Variants in RNF111 observed in about 807,000 individuals in gnomAD.
RNF111 encodes E3 ubiquitin-protein ligase Arkadia.
RNF111 carries 17 observed loss-of-function variants against 95.1 expected under a neutral mutation model. The ratio of observed to expected loss-of-function variants is 0.18; its 90% CI spans 0.12 to 0.27. The LOEUF is 0.27. Ranked by LOEUF, RNF111 falls within the 10% of genes least tolerant of loss-of-function variation. The pLI, the probability that RNF111 is intolerant of heterozygous loss-of-function variation, is 1.00. For synonymous variants in RNF111, 440 were observed against 414.8 expected, an observed-to-expected ratio of 1.06 and a Z score of -0.74; for missense variants, 1,189 against 1,210.4, an observed-to-expected ratio of 0.98 and a Z score of 0.26.
intron 1 of RNF111, among the ~76,000 whole-genome samples, chr15:59,005,964 A>G (rs187535290): frequency 4.6e-5 from 7 of 152,352 alleles, no homozygotes; most frequent in Non-Finnish European, 8.8e-5. Flanking sequence ...ATTTAAATCA[A>G]TGCATTTTGA....
chr15:59,091,378 A>G (rs2079047750), intron 12 of RNF111, among the ~76,000 whole-genome samples: 1 of 152,148 alleles, frequency 6.6e-6, no homozygotes, highest in Non-Finnish European at 1.5e-5. Context: ...AAGGATTTAG[A>G]TATTCTTCTA....
At chr15:59,032,699 A>G (rs1291969031) in intron 2 of RNF111, among the ~76,000 whole-genome samples, 1 of 152,080 alleles carries the variant, frequency 6.6e-6, no homozygotes. Flanking sequence ...TTCTTTAAGT[A>G]CTATATTCTT....
rs2079183091 is a variant in RNF111, at chr15:59,096,821, C to T, written c.*1921C>T. The T allele has an allele frequency of 6.6e-6, 1 of 152,208 alleles. No homozygotes were observed. The highest frequency in any genetic ancestry group is 2.4e-5 in the African/African-American group (1 of 41,444). The allele number at this position is 152,208 out of a possible 1,614,324, so 9.4% of individuals were successfully genotyped here. A position where few individuals can be genotyped will look rare whatever the true frequency, so the allele number is the denominator to read the frequency against. ...ACTTTGCCACTGGAATACCCCGGGT[C>T]TGTGCCAAGGGACTGAAGAAGTGTA... is the stretch of plus-strand genomic sequence containing the variant. On this transcript the variant is annotated 3_prime_UTR_variant, in exon 14 of 14. Transcript: ENST00000348370.
In RNF111 at chr15:58,989,199, C is replaced by T. The variant is rs146857690; in HGVS notation, c.-20+1131C>T. On this transcript the variant is annotated intron_variant, in intron 1 of 13. Transcript: ENST00000348370. ...CTATATGTATTTTTGTAAAAATCTTCATGTCAGTATAAGCCACATTGTTTC... is the reference window on the plus strand; with the variant it reads ...CTATATGTATTTTTGTAAAAATCTTTATGTCAGTATAAGCCACATTGTTTC... Among the ~76,000 whole-genome samples, 74 of 152,276 alleles carry T rather than the reference C, an allele frequency of 4.9e-4. 2 individuals are homozygous for T. In the East Asian group the frequency reaches 0.013, roughly 28 times the overall value.
At chr15:59,030,103 T>A (rs2040831667) in intron 1 of RNF111, among the ~76,000 whole-genome samples, 1 of 152,222 alleles carries the variant, frequency 6.6e-6, no homozygotes, top group South Asian at 2.1e-4. Flanking sequence ...TTAGATAGAT[T>A]AGCTGTACAA....
chr15:59,094,260 T>C (rs1436835543), intron 13 of RNF111, among the ~76,000 whole-genome samples: 1 of 152,224 alleles, frequency 6.6e-6, no homozygotes. Flanking sequence ...TGTAAAGATA[T>C]TCTTGATAGA....
intron 5 of RNF111, among the ~76,000 whole-genome samples, chr15:59,062,641 C>T (rs144107264): frequency 2.0e-5 from 3 of 152,214 alleles, no homozygotes; most frequent in African/African-American, 7.2e-5. Context: ...ATAGTGTTGG[C>T]CGGTGGATTT....
intron 5 of RNF111, among the ~76,000 whole-genome samples, chr15:59,065,197 C>T (rs141602219): frequency 9.2e-5 from 14 of 152,020 alleles, no homozygotes; most frequent in East Asian, 3.9e-4. Flanking sequence ...GGCAGCAGGG[C>T]GGGGCTTTGG....
intron 6 of RNF111, among the ~76,000 whole-genome samples, chr15:59,070,431 G>A (rs1228908703): frequency 6.6e-6 from 1 of 152,020 alleles, no homozygotes; most frequent in African/African-American, 2.4e-5. Flanking sequence ...ATGAAATTTG[G>A]TCACCTTCAT....
intron 6 of RNF111, among the ~76,000 whole-genome samples, chr15:59,072,450 C>CTTT (rs35989790): frequency 0.035 from 3,635 of 102,648 alleles, 113 homozygotes; most frequent in African/African-American, 0.045. Flanking sequence ...TCATTTCCAT[C>CTTT]TTTTTTTTTT....
At chr15:59,032,887 T>C (rs1251988080) in intron 2 of RNF111, among the ~76,000 whole-genome samples, 1 of 152,214 alleles carries the variant, frequency 6.6e-6, no homozygotes, top group African/African-American at 2.4e-5. Flanking sequence ...TCATGCGTGC[T>C]GACTCTCTCT....
intron 12 of RNF111, among the ~76,000 whole-genome samples, chr15:59,091,712 C>G (rs1316006679): frequency 6.6e-6 from 1 of 152,144 alleles, no homozygotes; most frequent in Non-Finnish European, 1.5e-5. Context: ...TGCTCAATAC[C>G]AACGGTCCCC....
chr15:59,008,252 C>T (rs1029141544), intron 1 of RNF111, among the ~76,000 whole-genome samples: 2 of 152,156 alleles, frequency 1.3e-5, no homozygotes, highest in African/African-American at 4.8e-5. Flanking sequence ...GAGTCTTTCT[C>T]TGTTGCCCAG....
intron 1 of RNF111, among the ~76,000 whole-genome samples, chr15:59,025,152 A>AG (rs1316372831): frequency 4.6e-5 from 7 of 152,280 alleles, no homozygotes; most frequent in Admixed American, 3.9e-4. Flanking sequence ...CCCAAAGTGC[A>AG]GGGATTACAG....
rs554484721 is a variant in RNF111, at chr15:59,058,168, T to C, written c.1172-188T>C. Among the ~76,000 whole-genome samples the C allele has an allele frequency of 2.6e-5, 4 of 152,368 alleles. No individual in the cohort carries two copies. The South Asian group carries it at 8.3e-4, about 32-fold the overall frequency. On this transcript the variant is annotated intron_variant, in intron 4 of 13. Transcript: ENST00000348370. ...TGGATTTTTTTAAAATGCAGTAATA[T>C]TTTGGTAACACGTCTGTTCGATATT...
chr15:58,988,679 G>T (rs2038677531), intron 1 of RNF111, among the ~76,000 whole-genome samples: 1 of 152,230 alleles, frequency 6.6e-6, no homozygotes, highest in Admixed American at 6.5e-5. Flanking sequence ...TCTTAAATAG[G>T]TTATAGTAGA....
chr15:59,085,601 G>A, intron 9 of RNF111, 58 bp from the exon 10 acceptor site: 2 of 1,500,156 alleles, frequency 1.3e-6, no homozygotes, highest in South Asian at 1.3e-5. Flanking sequence ...AACTCCCCAT[G>A]TCTGTTGATA....
At chr15:59,032,872 C>G (rs1262870404) in intron 2 of RNF111, among the ~76,000 whole-genome samples, 1 of 152,142 alleles carries the variant, frequency 6.6e-6, no homozygotes, top group Admixed American at 6.5e-5. Context: ...CCTGTGTGCT[C>G]TTGCTCATGC....
At chr15:58,995,550 C>A (rs1376181251) in intron 1 of RNF111, among the ~76,000 whole-genome samples, 1 of 151,890 alleles carries the variant, frequency 6.6e-6, no homozygotes, top group African/African-American at 2.4e-5. Flanking sequence ...CCTCTGCCTC[C>A]CGGGTTCAAG....
Sources: allele counts gnomAD v4.1 joint callset (sites outside exome capture counted in the v4.1 genomes callset), GRCh38; gene constraint gnomAD v4.1.1; transcripts MANE v1.5; gene names NCBI Gene and HGNC (gene_info 2026-07-23, HGNC 2026-07-21).